CDC25B: variants seen among roughly 807,000 people sequenced by gnomAD.
CDC25B encodes M-phase inducer phosphatase 2.
A neutral mutation model predicts 69.8 loss-of-function variants in CDC25B; 33 were observed. The observed-to-expected ratio is 0.47, with a 90% CI of 0.36 to 0.63. The LOEUF is 0.63. Among genes scored for constraint, CDC25B ranks in the 30% least tolerant of loss-of-function variants. CDC25B has a pLI of 0.00. For missense variants in CDC25B, 727 were observed against 809.1 expected, an observed-to-expected ratio of 0.90 and a Z score of 1.23; for synonymous variants, 341 against 314.6, an observed-to-expected ratio of 1.08 and a Z score of -0.89.
chr20:3,800,630 G>A (rs897796646), intron 5 of CDC25B, 113 bp from the exon 6 acceptor site: 11 of 1,587,310 alleles, frequency 6.9e-6, no homozygotes, highest in African/African-American at 5.4e-5. Context: ...GGTTTCAGAG[G>A]TAGGTAGGTA....
Position 3,802,037 on chromosome 20 carries a change from C to G in CDC25B, c.1035C>G (p.Pro345=), listed in dbSNP as rs61746575. The G allele has an allele frequency of 6.8e-5, 107 of 1,581,654 alleles. No individual in the cohort carries two copies. The highest frequency in any genetic ancestry group is 8.9e-5 in the Non-Finnish European group (104 of 1,164,338). ...AGCGGCCCCAGGACAGGGACACGCC[C>G]GTGCAGAATAAGCGGAGGCGGAGCG... ...RLERPQDRDT[P]VQNKRRRSVT... is the part of the protein sequence containing the mutation. The change falls in exon 10 of 16, where the codon CCC becomes CCG. Residue 345 remains proline (P), a synonymous_variant. Coordinates refer to ENST00000245960, the MANE Select transcript of CDC25B (RefSeq NM_021873.4).
chr20:3,803,724 T>C lies in CDC25B; in HGVS notation c.1490+187T>C, dbSNP rs1465096257. Among the ~76,000 whole-genome samples, 1 of 152,166 alleles carries C rather than the reference T, an allele frequency of 6.6e-6. No individual in the cohort carries two copies. Among genetic ancestry groups the C allele is most frequent in the East Asian group, 1.9e-4 (1 of 5,184 alleles). On this transcript the variant is annotated intron_variant, in intron 14 of 15. Coordinates refer to ENST00000245960, the MANE Select transcript of CDC25B (RefSeq NM_021873.4). This position sits in a 1 kb window ranked among gnomAD's most constrained non-coding sequence, Gnocchi z 4.9. ...GGTACCCGCCTCCCATCTCCCTCAC[T>C]GTCCTGCCTATCAAGCCTCATGTCC...
In CDC25B at chr20:3,787,193, C is replaced by T. The variant is rs1279709061; in HGVS notation, c.8+54C>T. 4.7e-6 allele frequency: 3 copies of T among 637,090 alleles called. No homozygotes were observed. The African/African-American group carries it at 5.6e-5, about 12-fold the overall frequency. The allele number at this position is 637,090 out of a possible 1,614,324, so 39.5% of individuals were successfully genotyped here. ...CTTTTCTCTAGATGCATGTCGTTTTCTTTTTAAAAATTTATTATATAAAAC... is the reference window on the plus strand; with the variant it reads ...CTTTTCTCTAGATGCATGTCGTTTTTTTTTTAAAAATTTATTATATAAAAC... On this transcript the variant is annotated intron_variant, in intron 1 of 15. Coordinates refer to the CDC25B transcript ENST00000344256.
At position 3,801,264 on chromosome 20, in the gene CDC25B, C is replaced by T; in HGVS notation, c.716C>T (p.Pro239Leu). ...CTGTCATGTGGACAGTGTCTCAGTC[C>T]TGACCGGAAGATGGAAGTGGAGGAG... The part of the protein sequence containing the change: ...SSAPDLMCLS[P>L]DRKMEVEELS... Residue 239 changes from proline to leucine, a missense_variant, in exon 8 of 16, where the codon CCT becomes CTT. Transcript: ENST00000245960. 1.2e-6 allele frequency: 2 copies of T among 1,613,896 alleles called. No homozygotes were observed. The highest frequency in any genetic ancestry group is 2.2e-5 in the South Asian group (2 of 91,014).
intron 3 of CDC25B, among the ~76,000 whole-genome samples, chr20:3,799,199 C>A (rs1488011299): frequency 6.6e-6 from 1 of 152,210 alleles, no homozygotes; most frequent in African/African-American, 2.4e-5. Context: ...TGTCTTACCT[C>A]CCATTGCCTT....
chr20:3,799,505 TGTGTGTGTGTGTGTGTGTGTGC>T (rs1194663356), intron 3 of CDC25B, among the ~76,000 whole-genome samples: 8 of 118,894 alleles, frequency 6.7e-5, no homozygotes, highest in Admixed American at 6.4e-4. Flanking sequence ...TGTGTGTGTG[TGTGTGTGTGTGTGTGTGTGTGC>T]GCGCGCGCGC....
upstream of CDC25B, among the ~76,000 whole-genome samples, chr20:3,793,428 G>A (rs375299446): frequency 5.1e-3 from 770 of 152,084 alleles, 6 homozygotes; most frequent in African/African-American, 0.015. Context: ...CTGCACTCCA[G>A]CCTGGGCGAC....
rs2089413052 is a variant in CDC25B at position 3,804,692 on chromosome 20, G to A, written c.1602+12G>A. The A allele has an allele frequency of 6.2e-7, 1 of 1,605,738 alleles. No individual in the cohort carries two copies. Among genetic ancestry groups the A allele is most frequent in the Non-Finnish European group, 8.5e-7 (1 of 1,172,672 alleles). ...TCCCTCAGCACCCGGTAGCGTGGGT[G>A]GGGAAGGCCACAGTCTCTGTGTGAG... On this transcript the variant is annotated intron_variant, in intron 15 of 15. Transcript: ENST00000245960.
upstream of CDC25B, among the ~76,000 whole-genome samples, chr20:3,793,510 C>A (rs113758978): frequency 0.045 from 6,840 of 151,456 alleles, 217 homozygotes; most frequent in Non-Finnish European, 0.071. Flanking sequence ...CCACCTCCCC[C>A]CTCACTGGCC....
At chr20:3,797,265 G>A (rs1321722717) in intron 1 of CDC25B, among the ~76,000 whole-genome samples, 2 of 152,220 alleles carry the variant, frequency 1.3e-5, no homozygotes, top group East Asian at 1.9e-4. Flanking sequence ...CCTTCAGGAA[G>A]GGTCCTGGAA....
intron 14 of CDC25B, among the ~76,000 whole-genome samples, chr20:3,804,014 A>G (rs1195406056): frequency 6.6e-6 from 1 of 152,054 alleles, no homozygotes; most frequent in Non-Finnish European, 1.5e-5. Context: ...ACTGGTCCAT[A>G]TGACTGCTAG....
chr20:3,790,966 A>G (rs908098109), intron 1 of CDC25B, among the ~76,000 whole-genome samples: 2 of 152,092 alleles, frequency 1.3e-5, no homozygotes, highest in African/African-American at 4.8e-5. Context: ...TTAGCCTCCC[A>G]AAGTGCTGGG....
At chr20:3,790,390 T>C (rs1189245069) in intron 1 of CDC25B, among the ~76,000 whole-genome samples, 3 of 150,248 alleles carry the variant, frequency 2.0e-5, no homozygotes, top group Non-Finnish European at 4.5e-5. Flanking sequence ...TTTTTTTTTT[T>C]TTTTTTGAGA....
At position 3,803,081 on chromosome 20, in the gene CDC25B, G is replaced by A. The variant is rs769807951; in HGVS notation, c.1258-27G>A. On this transcript the variant is annotated intron_variant, in intron 12 of 15. Coordinates refer to ENST00000245960, the MANE Select transcript of CDC25B (RefSeq NM_021873.4). This position sits in a 1 kb window ranked among gnomAD's most constrained non-coding sequence, Gnocchi z 4.9. ...CTGCCAGCTGCCAGCCTGACCTGCC[G>A]GAACCAACCCCCATGACCTCCTACA... 6.2e-6 allele frequency: 10 copies of A among 1,606,426 alleles called. No individual in the cohort carries two copies. The highest frequency in any genetic ancestry group is 2.7e-5 in the African/African-American group (2 of 74,738).
chr20:3,801,812 T>C lies in CDC25B; in HGVS notation c.921+10T>C. ...AAAGGAAGAGGAAAAGGTGGGCCTC[T>C]GGGGTGGCCCCCTCCGAATTTGGAG... On this transcript the variant is annotated intron_variant, in intron 9 of 15. Coordinates refer to ENST00000245960, the MANE Select transcript of CDC25B (RefSeq NM_021873.4). 6.3e-7 allele frequency: 1 copy of C among 1,594,720 alleles called. No individual in the cohort carries two copies. Among genetic ancestry groups the C allele is most frequent in the Non-Finnish European group, 8.5e-7 (1 of 1,170,250 alleles).
chr20:3,787,032 T>G (rs533000552), exon 1 of CDC25B: 131 of 485,500 alleles, frequency 2.7e-4, no homozygotes, highest in African/African-American at 4.5e-4. Flanking sequence ...TTTTGTTTGT[T>G]TTTTTTTTTT....
chr20:3,798,507 G>A lies in CDC25B; in HGVS notation c.380+44G>A, dbSNP rs1430904560. The A allele has an allele frequency of 1.2e-5, 18 of 1,445,236 alleles. No homozygotes were observed. The Admixed American group carries it at 3.6e-4, about 29-fold the overall frequency. The allele number at this position is 1,445,236 out of a possible 1,614,324, so 89.5% of individuals were successfully genotyped here. On this transcript the variant is annotated intron_variant, in intron 3 of 15. Transcript: ENST00000245960. ...GTGTACTTCCAAGCATTCAGCACCTGTCTTTAAGAATCCTAGTTCTACCAT... is the reference window on the plus strand; with the variant it reads ...GTGTACTTCCAAGCATTCAGCACCTATCTTTAAGAATCCTAGTTCTACCAT...
intron 2 of CDC25B, 36 bp from the exon 3 acceptor site, chr20:3,798,376 C>T: frequency 1.6e-6 from 2 of 1,225,912 alleles, no homozygotes; most frequent in South Asian, 1.7e-5. Flanking sequence ...ACAGAAAGTG[C>T]CACTACTTTC....
In CDC25B at chr20:3,800,312, C is replaced by T; in HGVS notation, c.405C>T (p.Ala135=). 6.2e-7 allele frequency: 1 copy of T among 1,614,126 alleles called. No homozygotes were observed. The highest frequency in any genetic ancestry group is 1.7e-5 in the Admixed American group (1 of 60,020). ...EQTFEQAIQA[A]SRIIRNEQFA... ...GGTTTGAACAGGCCATCCAGGCAGC[C>T]AGCCGGATCATTCGAAAGTAAGTGT... Residue 135 remains alanine (A), a synonymous_variant, in exon 4 of 16, where the codon GCC becomes GCT. Transcript: ENST00000245960.
Sources: allele counts gnomAD v4.1 joint callset (sites outside exome capture counted in the v4.1 genomes callset), GRCh38; gene constraint gnomAD v4.1.1; non-coding constraint Gnocchi (gnomAD v3.1); transcripts MANE v1.5; gene names NCBI Gene and HGNC (gene_info 2026-07-23, HGNC 2026-07-21).